Variants in SNX31 observed in about 807,000 individuals in gnomAD.
The protein encoded by SNX31 is sorting nexin-31.
Under a neutral mutation model 65.4 loss-of-function variants are expected in SNX31, and 58 were observed. The observed-to-expected ratio is 0.89, with a 90% CI of 0.72 to 1.10. The LOEUF is 1.10. Among genes scored for constraint, SNX31 ranks in the 50% least tolerant of loss-of-function variants. The pLI is 0.00. For missense variants in SNX31, 523 were observed against 529.7 expected (o/e 0.99, Z 0.12); for synonymous variants, 181 against 190.1 (o/e 0.95, Z 0.39).
chr8:100,654,830 T>C (rs1820031159), intron 1 of SNX31, among the ~76,000 whole-genome samples: 2 of 152,230 alleles, frequency 1.3e-5, no homozygotes, highest in South Asian at 2.1e-4. Flanking sequence ...CTGGCCAACA[T>C]GGTGAGATAC....
intron 9 of SNX31, among the ~76,000 whole-genome samples, chr8:100,598,801 C>G (rs1047735378): frequency 1.3e-5 from 2 of 152,302 alleles, no homozygotes; most frequent in East Asian, 3.9e-4. Flanking sequence ...GCTATACAGA[C>G]ATATGGTCCC....
chr8:100,627,294 GTGAGCCGAGATCA>G (rs1327359157), intron 4 of SNX31, among the ~76,000 whole-genome samples: 3 of 152,206 alleles, frequency 2.0e-5, no homozygotes, highest in African/African-American at 7.2e-5. Context: ...GGAAGTTGTG[GTGAGCCGAGATCA>G]TGCCATTGCA....
intron 10 of SNX31, among the ~76,000 whole-genome samples, chr8:100,591,420 C>T (rs112741195): frequency 0.053 from 7,597 of 142,064 alleles, 450 homozygotes; most frequent in Admixed American, 0.18. Flanking sequence ...ACCCGGGAGG[C>T]GGAGCTTGCA....
At chr8:100,653,043 G>A (rs1052030485), upstream of SNX31, among the ~76,000 whole-genome samples, 1 of 152,192 alleles carries the variant, frequency 6.6e-6, no homozygotes, top group Non-Finnish European at 1.5e-5. Flanking sequence ...GGAAGGTTGG[G>A]CATGCAGAGT....
rs1814187226 is a variant in SNX31 at position 100,587,805 on chromosome 8, T to A, written c.1092+1061A>T. On this transcript the variant is annotated intron_variant, in intron 11 of 13. Coordinates refer to ENST00000311812, the MANE Select transcript of SNX31 (RefSeq NM_152628.4). ...ACATAATTGAATTTCATGTTTAGAC[T>A]TGGGTCCCATCCTCAAGATATCTCA... Among the ~76,000 whole-genome samples the A allele has an allele frequency of 3.3e-5, 5 of 152,376 alleles. No individual in the cohort carries two copies. In the South Asian group the frequency reaches 1.0e-3, roughly 32 times the overall value.
rs939603540 is a variant in SNX31 at position 100,578,973 on chromosome 8, C to T, written c.1171-1898G>A. On this transcript the variant is annotated intron_variant, in intron 12 of 13. Transcript: ENST00000311812. This position sits in a 1 kb window ranked among gnomAD's most constrained non-coding sequence, Gnocchi z 4.7. ...CTGACCTCAAGTGATCCACCTGCCT[C>T]GGCCTCCCAAAGTGCTGGGATTACA... Among the ~76,000 whole-genome samples the T allele has an allele frequency of 3.3e-5, 5 of 152,052 alleles. No individual in the cohort carries two copies. Among genetic ancestry groups the T allele is most frequent in the South Asian group, 2.1e-4 (1 of 4,826 alleles).
chr8:100,576,227 C>T lies in SNX31; in HGVS notation c.1227+792G>A. Among the ~76,000 whole-genome samples, 1 of 152,200 alleles carries T rather than the reference C, an allele frequency of 6.6e-6. No homozygotes were observed. The highest frequency in any genetic ancestry group is 1.9e-4 in the East Asian group (1 of 5,206). On this transcript the variant is annotated intron_variant, in intron 13 of 13. Coordinates refer to ENST00000311812, the MANE Select transcript of SNX31 (RefSeq NM_152628.4). This position sits in a 1 kb window ranked among gnomAD's most constrained non-coding sequence, Gnocchi z 4.8. ...TTATATACTTACATATTTATAAATACTGTACATATATACTAAGGATGTTTA... is the reference window on the plus strand; with the variant it reads ...TTATATACTTACATATTTATAAATATTGTACATATATACTAAGGATGTTTA...
chr8:100,585,785 GCAGA>G (rs1285909865), intron 11 of SNX31, among the ~76,000 whole-genome samples: 1 of 152,174 alleles, frequency 6.6e-6, no homozygotes, highest in Non-Finnish European at 1.5e-5. Flanking sequence ...CCAATAAGAT[GCAGA>G]CCAATTCCAT....
intron 11 of SNX31, among the ~76,000 whole-genome samples, chr8:100,584,826 T>G (rs980961333): frequency 6.6e-6 from 1 of 150,746 alleles, no homozygotes; most frequent in African/African-American, 2.4e-5. Context: ...CTTGGCTCAC[T>G]GCAACCCCCG....
At chr8:100,616,501 TG>T (rs1394112692) in intron 5 of SNX31, among the ~76,000 whole-genome samples, 3 of 152,218 alleles carry the variant, frequency 2.0e-5, no homozygotes, top group African/African-American at 7.2e-5. Flanking sequence ...CCTGAGCAAT[TG>T]AGGTTTTTGT....
intron 4 of SNX31, chr8:100,618,741 A>G: frequency 9.3e-6 from 2 of 215,428 alleles, no homozygotes; most frequent in Non-Finnish European, 9.2e-6. Context: ...GAAACAGCCA[A>G]ACGGAGGAGA....
rs570920924 is a variant in SNX31, at chr8:100,605,849, C to T, written c.681+2645G>A. Reference sequence around the variant, plus strand: ...TCACAATGAGAAGCAAAAGACATGCCATAAAGATGATATTTCCCACAGGAA... The same window carrying T: ...TCACAATGAGAAGCAAAAGACATGCTATAAAGATGATATTTCCCACAGGAA... On this transcript the variant is annotated intron_variant, in intron 8 of 13. Coordinates refer to ENST00000311812, the MANE Select transcript of SNX31 (RefSeq NM_152628.4). Among the ~76,000 whole-genome samples, 16 of 152,192 alleles carry T rather than the reference C, an allele frequency of 1.1e-4. No homozygotes were observed. The South Asian group carries it at 3.3e-3, about 32-fold the overall frequency.
At position 100,648,119 on chromosome 8, in the gene SNX31, T is replaced by A. The variant is rs575543068; in HGVS notation, c.141+1155A>T. On this transcript the variant is annotated intron_variant, in intron 2 of 13. Transcript: ENST00000311812. The surrounding 1 kb of genome is among the most constrained non-coding windows in gnomAD (Gnocchi z 4.3). ...TGGACTTTTCCAATGCACTGTGATG[T>A]ATGAGCAAGAAGGCTTGCTACAGTG... Among the ~76,000 whole-genome samples, 5 of 152,336 alleles carry A rather than the reference T, an allele frequency of 3.3e-5. No individual in the cohort carries two copies. The highest frequency in any genetic ancestry group is 4.1e-4 in the South Asian group (2 of 4,832).
chr8:100,636,582 C>G (rs565260407), intron 2 of SNX31, among the ~76,000 whole-genome samples: 1 of 152,202 alleles, frequency 6.6e-6, no homozygotes, highest in South Asian at 2.1e-4. Flanking sequence ...ATACTGATTA[C>G]ATGTTGAAAT....
intron 11 of SNX31, among the ~76,000 whole-genome samples, chr8:100,584,464 C>T (rs1280312372): frequency 6.6e-6 from 1 of 152,038 alleles, no homozygotes; most frequent in Admixed American, 6.5e-5. Context: ...TAAAACTCAC[C>T]CCCTTGCATC....
chr8:100,595,727 G>T (rs1815020191), intron 10 of SNX31, among the ~76,000 whole-genome samples: 1 of 152,188 alleles, frequency 6.6e-6, no homozygotes, highest in Admixed American at 6.5e-5. Flanking sequence ...AGGTGGAAAA[G>T]GACTCGTCTG....
upstream of SNX31, among the ~76,000 whole-genome samples, chr8:100,650,850 GTTTTTTTT>G (rs58797178): frequency 6.6e-5 from 9 of 136,970 alleles, no homozygotes; most frequent in African/African-American, 2.7e-5. Flanking sequence ...GTGTTTTTTT[GTTTTTTTT>G]TTTTTTGTTT....
rs761860535 is a variant in SNX31 at position 100,617,648 on chromosome 8, G to A, written c.404C>T (p.Thr135Ile). Residue 135 changes from threonine (T) to isoleucine (I), a missense_variant, in exon 5 of 14, where the codon ACA (threonine) becomes ATA (isoleucine). Thr to Ile is a moderately conservative substitution (Grantham distance 89, BLOSUM62 -1). Transcript: ENST00000311812. Reference protein sequence around the residue: ...NEQSIRIEIITSDTAERVLEV... With the variant: ...NEQSIRIEIIISDTAERVLEV... Reference sequence around the variant, plus strand: ...TAGGACTCTTTCAGCAGTGTCTGATGTTATAATTTCGATTCTAATACTCTG... The same window carrying A: ...TAGGACTCTTTCAGCAGTGTCTGATATTATAATTTCGATTCTAATACTCTG... 6.2e-7 allele frequency: 1 copy of A among 1,612,436 alleles called. No individual in the cohort carries two copies. The highest frequency in any genetic ancestry group is 8.5e-7 in the Non-Finnish European group (1 of 1,178,950).
chr8:100,643,478 A>G (rs1440517393), intron 2 of SNX31, among the ~76,000 whole-genome samples: 1 of 151,492 alleles, frequency 6.6e-6, no homozygotes, highest in Non-Finnish European at 1.5e-5. Context: ...ACCCAAATTC[A>G]CCAGATAAAG....
Sources: allele counts gnomAD v4.1 joint callset (sites outside exome capture counted in the v4.1 genomes callset), GRCh38; gene constraint gnomAD v4.1.1; non-coding constraint Gnocchi (gnomAD v3.1); transcripts MANE v1.5; gene names NCBI Gene and HGNC (gene_info 2026-07-23, HGNC 2026-07-21).